Variants in ADAM18 observed in about 807,000 individuals in gnomAD.
ADAM18 encodes the protein ADAM metallopeptidase domain 18, also known as disintegrin and metalloproteinase domain-containing protein 18.
In ADAM18, 117 loss-of-function variants were observed where a neutral mutation model predicts 94.4. That is an observed-to-expected ratio of 1.24 (90% CI 1.07 to 1.45). The LOEUF is 1.45. Ranked by LOEUF, ADAM18 falls within the 40% of genes most tolerant of loss-of-function variation. The probability of loss-of-function intolerance (pLI) is 0.00; values close to 1 mark genes in which losing one functional copy is unlikely to be tolerated. For synonymous variants in ADAM18, 327 were observed against 291.6 expected (o/e 1.12, Z -1.24); for missense variants, 936 against 880.0 (o/e 1.06, Z -0.81).
rs114136412 is a variant in ADAM18, at chr8:39,594,706, G to A, written c.132+9354G>A. On this transcript the variant is annotated intron_variant, in intron 2 of 19. Coordinates refer to ENST00000265707, the MANE Select transcript of ADAM18 (RefSeq NM_014237.3). ...TCATTTGTTTTTTTTTCCCTAATGG[G>A]TAAGTTGTCATTTCTTTCATTACTT... Among the ~76,000 whole-genome samples, 493 of 147,388 alleles carry A rather than the reference G, an allele frequency of 3.3e-3. 3 individuals carry two copies. Among genetic ancestry groups the A allele is most frequent in the African/African-American group, 0.011 (441 of 40,034 alleles).
chr8:39,661,253 C>T (rs1246852624), intron 12 of ADAM18, among the ~76,000 whole-genome samples: 6 of 147,838 alleles, frequency 4.1e-5, no homozygotes, highest in Middle Eastern at 7.2e-3. Context: ...CCTGGGTTCA[C>T]GCCATTCTCC....
chr8:39,709,080 G>T (rs920081575), intron 18 of ADAM18, among the ~76,000 whole-genome samples: 29 of 152,182 alleles, frequency 1.9e-4, no homozygotes, highest in Non-Finnish European at 5.9e-5. Flanking sequence ...TTTTGCATCC[G>T]CACTCATGGC....
At chr8:39,670,150 T>G (rs1300596258) in intron 14 of ADAM18, among the ~76,000 whole-genome samples, 4 of 152,212 alleles carry the variant, frequency 2.6e-5, no homozygotes, top group Admixed American at 1.3e-4. Flanking sequence ...TCACCCACTT[T>G]TTGATGGGGT....
intron 13 of ADAM18, among the ~76,000 whole-genome samples, chr8:39,666,095 T>C (rs889592039): frequency 1.3e-5 from 2 of 152,206 alleles, no homozygotes; most frequent in Admixed American, 1.3e-4. Context: ...TGGAGTGCAG[T>C]GGCACTATCT....
Position 39,610,625 on chromosome 8 carries a change from T to C in ADAM18, c.441T>C (p.Asp147=). ...TAATTTATCAAATGAAAAATAATGA[T>C]CCAAATGTATCCATTTTAGCAGTAA... ...EHIIYQMKNN[D]PNVSILAVNY... is the part of the protein sequence containing the mutation. Residue 147 remains aspartate, a synonymous_variant, in exon 6 of 20, where the codon GAT becomes GAC. Coordinates refer to ENST00000265707, the MANE Select transcript of ADAM18 (RefSeq NM_014237.3). The C allele has an allele frequency of 1.2e-6, 2 of 1,613,012 alleles. No individual in the cohort carries two copies. The highest frequency in any genetic ancestry group is 1.7e-5 in the Admixed American group (1 of 59,964).
chr8:39,630,260 A>G (rs1016411627), intron 7 of ADAM18, among the ~76,000 whole-genome samples: 5 of 151,606 alleles, frequency 3.3e-5, no homozygotes, highest in African/African-American at 1.2e-4. Flanking sequence ...CTAAATGCAA[A>G]ACACAGACTA....
At chr8:39,639,212 C>T (rs189601963) in intron 10 of ADAM18, among the ~76,000 whole-genome samples, 2 of 151,892 alleles carry the variant, frequency 1.3e-5, no homozygotes, top group Non-Finnish European at 2.9e-5. Context: ...CCACAAAGAT[C>T]AAAAAATAGA....
chr8:39,701,407 T>C (rs1378424816), intron 17 of ADAM18, among the ~76,000 whole-genome samples: 2 of 152,050 alleles, frequency 1.3e-5, no homozygotes, highest in African/African-American at 4.8e-5. Context: ...CCTGACATTA[T>C]ATGCTCTTTA....
At chr8:39,608,197 A>G (rs1819149500) in intron 3 of ADAM18, among the ~76,000 whole-genome samples, 1 of 152,054 alleles carries the variant, frequency 6.6e-6, no homozygotes, top group Non-Finnish European at 1.5e-5. Flanking sequence ...ATCTATATCT[A>G]AACCCTACAA....
intron 3 of ADAM18, among the ~76,000 whole-genome samples, chr8:39,607,909 TC>T (rs1446498505): frequency 6.6e-6 from 1 of 152,054 alleles, no homozygotes; most frequent in Non-Finnish European, 1.5e-5. Flanking sequence ...CAAATTAACA[TC>T]TCTACCTTAT....
At chr8:39,594,224 C>G (rs1296781341) in intron 2 of ADAM18, among the ~76,000 whole-genome samples, 1 of 152,044 alleles carries the variant, frequency 6.6e-6, no homozygotes, top group East Asian at 1.9e-4. Context: ...GTTAAGCAAA[C>G]TATTTAAACC....
chr8:39,622,732 C>T (rs992045657), intron 6 of ADAM18, among the ~76,000 whole-genome samples: 8 of 152,018 alleles, frequency 5.3e-5, no homozygotes, highest in African/African-American at 1.7e-4. Context: ...TTTACAGATA[C>T]GTAACTGAGG....
intron 10 of ADAM18, 26 bp downstream of exon 10, chr8:39,638,572 A>G (rs1213920868): frequency 2.8e-6 from 4 of 1,410,924 alleles, no homozygotes; most frequent in Middle Eastern, 1.9e-4. Flanking sequence ...TCTTCTTTAC[A>G]TCACTATTTT....
chr8:39,615,762 C>T (rs2129578647), intron 6 of ADAM18, among the ~76,000 whole-genome samples: 1 of 152,244 alleles, frequency 6.6e-6, no homozygotes, highest in Non-Finnish European at 1.5e-5. Flanking sequence ...GAGAAGAGGT[C>T]AATCTCTCTC....
At chr8:39,629,050 T>C (rs1050406126) in intron 6 of ADAM18, among the ~76,000 whole-genome samples, 1 of 152,022 alleles carries the variant, frequency 6.6e-6, no homozygotes, top group Non-Finnish European at 1.5e-5. Context: ...TAGTCCTTCA[T>C]AAGACAGTCA....
In ADAM18 at chr8:39,637,027, A is replaced by ATGTG. The variant is rs1820094064; in HGVS notation, c.589-236_589-235insGTGT. ...TTCCGCATGTGTGTATTTTATATAT[A>ATGTG]TATATATATATATATATATATATAT... On this transcript the variant is annotated intron_variant, in intron 7 of 19. Transcript: ENST00000265707. Among the ~76,000 whole-genome samples the ATGTG allele has an allele frequency of 7.1e-5, 7 of 98,118 alleles. No homozygotes were observed. In the East Asian group the frequency reaches 2.8e-3, roughly 39 times the overall value. The allele number at this position is 98,118 out of a possible 152,430, so 64.4% of individuals were successfully genotyped here. A position where few individuals can be genotyped will look rare whatever the true frequency, so the allele number is the denominator to read the frequency against.
chr8:39,661,197 G>T (rs1212378922), intron 12 of ADAM18, among the ~76,000 whole-genome samples: 4 of 134,322 alleles, frequency 3.0e-5, no homozygotes, highest in African/African-American at 1.1e-4. Flanking sequence ...TTGTCGCCCA[G>T]GCTGGAGTGC....
intron 18 of ADAM18, among the ~76,000 whole-genome samples, chr8:39,717,912 A>C (rs553078735): frequency 1.6e-4 from 24 of 151,764 alleles, no homozygotes. Flanking sequence ...ACTTGTTTAA[A>C]AAATGGGTTG....
In ADAM18 at chr8:39,607,018, G is replaced by A. The variant is rs376100063; in HGVS notation, c.188+656G>A. 1.2e-4 allele frequency among the ~76,000 whole-genome samples: 18 copies of A among 148,854 alleles called. No homozygotes were observed. In the East Asian group the frequency reaches 2.5e-3, roughly 21 times the overall value. ...TGCTTCAGGCCATCTGGATGTATAC[G>A]ACAAGTTACACATCAAGTGATTATG... On this transcript the variant is annotated intron_variant, in intron 3 of 19. Coordinates refer to ENST00000265707, the MANE Select transcript of ADAM18 (RefSeq NM_014237.3).
Sources: allele counts gnomAD v4.1 joint callset (sites outside exome capture counted in the v4.1 genomes callset), GRCh38; gene constraint gnomAD v4.1.1; transcripts MANE v1.5; gene names NCBI Gene and HGNC (gene_info 2026-07-23, HGNC 2026-07-21).